Variants in GRM3 observed in about 807,000 individuals in gnomAD.
GRM3 encodes the protein metabotropic glutamate receptor 3.
GRM3 carries 26 observed loss-of-function variants against 70.5 expected under a neutral mutation model. The ratio of observed to expected loss-of-function variants is 0.37; its 90% CI spans 0.27 to 0.51. GRM3 has a LOEUF of 0.51. Ranked by LOEUF, GRM3 falls within the 20% of genes least tolerant of loss-of-function variation. The pLI is 0.93. For synonymous variants in GRM3, 443 were observed against 434.9 expected (o/e 1.02, Z -0.23); for missense variants, 859 against 1,123.8 (o/e 0.76, Z 3.37).
chr7:86,798,187 G>A (rs1408102039), intron 3 of GRM3, among the ~76,000 whole-genome samples: 4 of 152,204 alleles, frequency 2.6e-5, no homozygotes, highest in Non-Finnish European at 4.4e-5. Flanking sequence ...GGACTGCATA[G>A]TGGAGCTGTG....
At chr7:86,756,203 C>T (rs1796340048) in intron 1 of GRM3, among the ~76,000 whole-genome samples, 1 of 152,126 alleles carries the variant, frequency 6.6e-6, no homozygotes, top group South Asian at 2.1e-4. Flanking sequence ...CTCAGCCTCC[C>T]AAGTAGCTGG....
In GRM3 at chr7:86,653,272, T is replaced by C. The variant is rs550066402; in HGVS notation, c.-141+8400T>C. Among the ~76,000 whole-genome samples, 56 of 152,312 alleles carry C rather than the reference T, an allele frequency of 3.7e-4. 2 individuals carry two copies. In the South Asian group the frequency reaches 0.01, roughly 28 times the overall value. ...ACCTGATCATCTCCCAAAGGCCCTG[T>C]TAGTAAACGCAATCACATCGGGAGC... is the stretch of plus-strand genomic sequence containing the variant. On this transcript the variant is annotated intron_variant, in intron 1 of 5. Transcript: ENST00000361669.
At position 86,644,454 on chromosome 7, in the gene GRM3, G is replaced by T; in HGVS notation, c.-559G>T. ...AAGTTGCTTCCGCGCCTAGGAAGTG[G>T]GTTTGCCTGATAAGAGAAGGAGGAG... On this transcript the variant is annotated 5_prime_UTR_variant, in exon 1 of 6. Coordinates refer to ENST00000361669, the MANE Select transcript of GRM3 (RefSeq NM_000840.3). The T allele has an allele frequency of 5.8e-6, 2 of 343,384 alleles. No homozygotes were observed. The highest frequency in any genetic ancestry group is 2.2e-5 in the African/African-American group (1 of 46,126). The allele number at this position is 343,384 out of a possible 1,614,324, so 21.3% of individuals were successfully genotyped here. A position where few individuals can be genotyped will look rare whatever the true frequency, so the allele number is the denominator to read the frequency against.
intron 1 of GRM3, among the ~76,000 whole-genome samples, chr7:86,755,714 A>G (rs1053061190): frequency 2.6e-5 from 4 of 152,162 alleles, no homozygotes; most frequent in African/African-American, 9.6e-5. Flanking sequence ...TTTCAGAAAC[A>G]TGGCTGTTGA....
chr7:86,752,376 A>C (rs1796250756), intron 1 of GRM3, among the ~76,000 whole-genome samples: 1 of 152,154 alleles, frequency 6.6e-6, no homozygotes, highest in African/African-American at 2.4e-5. Flanking sequence ...TAATACAAAG[A>C]AAGGAAAGCA....
intron 1 of GRM3, among the ~76,000 whole-genome samples, chr7:86,692,335 TA>T (rs965636156): frequency 6.6e-6 from 1 of 152,208 alleles, no homozygotes; most frequent in African/African-American, 2.4e-5. Context: ...ATCTGGCCCT[TA>T]ACCATCTCTT....
intron 1 of GRM3, among the ~76,000 whole-genome samples, chr7:86,684,150 C>T (rs987801761): frequency 4.6e-5 from 7 of 152,026 alleles, no homozygotes; most frequent in Admixed American, 2.0e-4. Context: ...AAGTCTTAGA[C>T]CCACACCCTG....
At chr7:86,821,644 A>C (rs1340633814) in intron 3 of GRM3, among the ~76,000 whole-genome samples, 4 of 152,162 alleles carry the variant, frequency 2.6e-5, no homozygotes, top group African/African-American at 9.7e-5. Flanking sequence ...CCAGCCTTCA[A>C]GGAGCTCGCA....
chr7:86,772,682 G>T (rs1012234951), intron 2 of GRM3, among the ~76,000 whole-genome samples: 33 of 152,144 alleles, frequency 2.2e-4, no homozygotes, highest in African/African-American at 6.7e-4. Context: ...CAGATGCTGT[G>T]CTTGTAGCTA....
intron 1 of GRM3, among the ~76,000 whole-genome samples, chr7:86,757,252 G>A (rs1344562069): frequency 1.3e-5 from 2 of 152,058 alleles, no homozygotes; most frequent in Non-Finnish European, 2.9e-5. Context: ...GGTTATTATA[G>A]GACATATATT....
At chr7:86,704,569 C>T (rs548085219) in intron 1 of GRM3, among the ~76,000 whole-genome samples, 1 of 151,926 alleles carries the variant, frequency 6.6e-6, no homozygotes, top group African/African-American at 2.4e-5. Context: ...GTTTGCAATA[C>T]ACCAAAGGAA....
intron 1 of GRM3, among the ~76,000 whole-genome samples, chr7:86,672,070 TG>T (rs1354513051): frequency 6.6e-6 from 1 of 152,194 alleles, no homozygotes; most frequent in East Asian, 1.9e-4. Context: ...TTTCCACTCC[TG>T]GATAAAAACT....
At chr7:86,749,076 T>C (rs964426167) in intron 1 of GRM3, among the ~76,000 whole-genome samples, 2 of 152,114 alleles carry the variant, frequency 1.3e-5, no homozygotes, top group African/African-American at 4.8e-5. Context: ...TCATTCTTTG[T>C]ACAGCTTAAA....
At chr7:86,779,563 G>A (rs1396401208) in intron 2 of GRM3, among the ~76,000 whole-genome samples, 1 of 152,186 alleles carries the variant, frequency 6.6e-6, no homozygotes, top group Non-Finnish European at 1.5e-5. Context: ...AGAATTCAGA[G>A]ATTAACGAGA....
chr7:86,816,111 G>T (rs372078473), intron 3 of GRM3, among the ~76,000 whole-genome samples: 1 of 151,864 alleles, frequency 6.6e-6, no homozygotes, highest in Non-Finnish European at 1.5e-5. Context: ...TCATGGAGAA[G>T]GTGGCCTCTG....
chr7:86,809,845 A>G (rs1276316778), intron 3 of GRM3, among the ~76,000 whole-genome samples: 1 of 151,984 alleles, frequency 6.6e-6, no homozygotes, highest in Non-Finnish European at 1.5e-5. Flanking sequence ...GGTACTTTAG[A>G]TTTAAAAAGA....
In GRM3 at chr7:86,787,535, C is replaced by A. The variant is rs1158277000; in HGVS notation, c.1324+419C>A. Reference sequence around the variant, plus strand: ...GTGGGTGACTTGAGCAAAAGAATCTCATAACTTTCACAGTGGGTGACAGAG... The same window carrying A: ...GTGGGTGACTTGAGCAAAAGAATCTAATAACTTTCACAGTGGGTGACAGAG... On this transcript the variant is annotated intron_variant, in intron 3 of 5. Transcript: ENST00000361669. 2.0e-5 allele frequency among the ~76,000 whole-genome samples: 3 copies of A among 151,148 alleles called. No individual in the cohort carries two copies. The East Asian group carries it at 5.9e-4, about 29-fold the overall frequency.
chr7:86,849,849 C>G (rs1316909726), intron 4 of GRM3, among the ~76,000 whole-genome samples: 1 of 152,080 alleles, frequency 6.6e-6, no homozygotes, highest in African/African-American at 2.4e-5. Context: ...TGACAGTGAT[C>G]CCCAACAAAG....
At chr7:86,732,672 C>T (rs1035371718) in intron 1 of GRM3, among the ~76,000 whole-genome samples, 3 of 152,104 alleles carry the variant, frequency 2.0e-5, no homozygotes, top group South Asian at 4.1e-4. Flanking sequence ...ACACAAGGAA[C>T]GTAAGGCTTA....
Sources: allele counts gnomAD v4.1 joint callset (sites outside exome capture counted in the v4.1 genomes callset), GRCh38; gene constraint gnomAD v4.1.1; transcripts MANE v1.5; gene names NCBI Gene and HGNC (gene_info 2026-07-23, HGNC 2026-07-21).